ITPR1: variants seen among roughly 807,000 people sequenced by gnomAD.
The protein encoded by ITPR1 is inositol 1,4,5-trisphosphate receptor type 1.
In ITPR1, 96 loss-of-function variants were observed where a neutral mutation model predicts 318.4. The ratio of observed to expected loss-of-function variants is 0.30; its 90% confidence interval spans 0.26 to 0.36. The LOEUF is 0.36. Ranked by LOEUF, ITPR1 falls within the 10% of genes least tolerant of loss-of-function variation. The probability of loss-of-function intolerance (pLI) is 1.00; values close to 1 mark genes in which losing one functional copy is unlikely to be tolerated. For synonymous variants in ITPR1, 1,312 were observed against 1,289.9 expected, an observed-to-expected ratio of 1.02 and a Z score of -0.37; for missense variants, 2,440 against 3,460.2, an observed-to-expected ratio of 0.71 and a Z score of 7.40.
chr3:4,639,142 G>A (rs1410098319), intron 5 of ITPR1, among the ~76,000 whole-genome samples: 1 of 151,958 alleles, frequency 6.6e-6, no homozygotes, highest in East Asian at 1.9e-4. Flanking sequence ...AAATACCCAT[G>A]AATTCCTTAA....
In ITPR1 at chr3:4,642,033, A is replaced by G. The variant is rs1439455214; in HGVS notation, c.367-60A>G. ...CTACATAGTTGGTATGATTGAGAGA[A>G]GGAATGGTAGAAAATTCAGATTTGC... is the stretch of plus-strand genomic sequence containing the variant. On this transcript the variant is annotated intron_variant, in intron 6 of 61. Transcript: ENST00000649015. 5 of 1,366,656 alleles carry G rather than the reference A, an allele frequency of 3.7e-6. No homozygotes were observed. In the African/African-American group the frequency reaches 7.4e-5, roughly 20 times the overall value. The allele number at this position is 1,366,656 out of a possible 1,614,324, so 84.7% of individuals were successfully genotyped here.
At position 4,581,922 on chromosome 3, in the gene ITPR1, T is replaced by G. The variant is rs1232948090; in HGVS notation, c.164-45841T>G. Reference sequence around the variant, plus strand: ...AAATAGTCTGTTTGGGTCTTGAAGATTTTGTGAGTTTTATTTTTTTTTAGG... The same window carrying G: ...AAATAGTCTGTTTGGGTCTTGAAGAGTTTGTGAGTTTTATTTTTTTTTAGG... On this transcript the variant is annotated intron_variant, in intron 4 of 61. Transcript: ENST00000649015. Among the ~76,000 whole-genome samples, 11 of 151,722 alleles carry G rather than the reference T, an allele frequency of 7.3e-5. No homozygotes were observed. The East Asian group carries it at 2.1e-3, about 30-fold the overall frequency.
intron 35 of ITPR1, among the ~76,000 whole-genome samples, chr3:4,701,428 C>G (rs370269253): frequency 1.3e-5 from 2 of 152,314 alleles, no homozygotes; most frequent in East Asian, 3.9e-4. Flanking sequence ...TAACAAGCAG[C>G]CACAAAACTC....
intron 52 of ITPR1, among the ~76,000 whole-genome samples, chr3:4,789,541 T>C (rs7637819): frequency 0.52 from 79,487 of 152,044 alleles, 21,369 homozygotes; most frequent in East Asian, 0.89. Context: ...ATCTGTTGCT[T>C]TTGTCCTTCA....
At chr3:4,569,959 T>C (rs2087808914) in intron 4 of ITPR1, among the ~76,000 whole-genome samples, 1 of 152,172 alleles carries the variant, frequency 6.6e-6, no homozygotes, top group Non-Finnish European at 1.5e-5. Flanking sequence ...TTTTAAATTG[T>C]TGGTTGGTGG....
chr3:4,508,476 T>TTA (rs1553604497), intron 2 of ITPR1, among the ~76,000 whole-genome samples: 1 of 149,554 alleles, frequency 6.7e-6, no homozygotes, highest in Admixed American at 6.7e-5. Context: ...TTTTTTTTTT[T>TTA]AAATGAATGT....
At chr3:4,809,770 C>T (rs777466347) in intron 55 of ITPR1, among the ~76,000 whole-genome samples, 1 of 152,194 alleles carries the variant, frequency 6.6e-6, no homozygotes, top group Non-Finnish European at 1.5e-5. Flanking sequence ...CCTGTGTAAT[C>T]TCTGCGGTCC....
chr3:4,632,642 A>G (rs2093048626), intron 5 of ITPR1, among the ~76,000 whole-genome samples: 1 of 152,202 alleles, frequency 6.6e-6, no homozygotes, highest in African/African-American at 2.4e-5. Flanking sequence ...ACACCAAAAG[A>G]AATGGCTCAG....
intron 60 of ITPR1, among the ~76,000 whole-genome samples, chr3:4,830,154 T>G (rs975366501): frequency 6.6e-5 from 10 of 151,798 alleles, no homozygotes; most frequent in African/African-American, 2.4e-4. Context: ...TTTTGTATTT[T>G]TAGTAGAGAC....
intron 4 of ITPR1, among the ~76,000 whole-genome samples, chr3:4,622,077 C>T (rs1407941280): frequency 1.3e-5 from 2 of 150,574 alleles, no homozygotes; most frequent in African/African-American, 4.9e-5. Context: ...GCTGTATTTT[C>T]AGCATCCAGT....
rs78970416 is a variant in ITPR1, at chr3:4,805,613, C to G, written c.7108-490C>G. On this transcript the variant is annotated intron_variant, in intron 54 of 61. Coordinates refer to ENST00000649015, the MANE Select transcript of ITPR1 (RefSeq NM_001378452.1). The stretch of plus-strand genomic sequence containing the variant: ...TTCCCCCAAGAAAATTGTTGTTTTC[C>G]CTGTGAACTTAGGAGCATTGAAAGG... 2.0e-3 allele frequency among the ~76,000 whole-genome samples: 297 copies of G among 152,186 alleles called. 1 individual carries two copies. Among genetic ancestry groups the G allele is most frequent in the African/African-American group, 6.8e-3 (281 of 41,514 alleles).
At chr3:4,805,460 G>T (rs1052831836) in intron 54 of ITPR1, among the ~76,000 whole-genome samples, 2 of 152,184 alleles carry the variant, frequency 1.3e-5, no homozygotes, top group African/African-American at 4.8e-5. Flanking sequence ...TGATGGCCAG[G>T]TTGGAGCCCC....
chr3:4,700,398 G>A (rs1413150224), intron 35 of ITPR1, among the ~76,000 whole-genome samples: 1 of 152,204 alleles, frequency 6.6e-6, no homozygotes, highest in Non-Finnish European at 1.5e-5. Context: ...CATTGTGACT[G>A]GCACTGAGTT....
At chr3:4,764,415 A>G (rs1293970565) in intron 44 of ITPR1, among the ~76,000 whole-genome samples, 2 of 152,110 alleles carry the variant, frequency 1.3e-5, no homozygotes, top group Admixed American at 6.5e-5. Context: ...AGTGCCTTCT[A>G]TTTGCTGGGC....
In ITPR1 at chr3:4,811,787, C is replaced by G. The variant is rs367738292; in HGVS notation, c.7468+327C>G. Among the ~76,000 whole-genome samples, 10 of 152,230 alleles carry G rather than the reference C, an allele frequency of 6.6e-5. No homozygotes were observed. The East Asian group carries it at 1.5e-3, about 24-fold the overall frequency. ...TCCCTTTAACTGAGTAAATCTACTT[C>G]TAGGATCAATACTTAAAGAAAAAAA... On this transcript the variant is annotated intron_variant, in intron 56 of 61. Transcript: ENST00000649015.
intron 2 of ITPR1, among the ~76,000 whole-genome samples, chr3:4,507,451 G>A (rs998522416): frequency 1.3e-5 from 2 of 152,152 alleles, no homozygotes; most frequent in Non-Finnish European, 2.9e-5. Context: ...TCTGGGTATT[G>A]TATGAGATCT....
intron 52 of ITPR1, among the ~76,000 whole-genome samples, chr3:4,793,379 A>G (rs2047693953): frequency 6.6e-6 from 1 of 152,160 alleles, no homozygotes; most frequent in Admixed American, 6.5e-5. Flanking sequence ...ACTTTGTTTT[A>G]TGAGCTTTTT....
intron 44 of ITPR1, among the ~76,000 whole-genome samples, chr3:4,741,198 C>G (rs1424922904): frequency 6.6e-6 from 1 of 152,088 alleles, no homozygotes; most frequent in Admixed American, 6.5e-5. Flanking sequence ...TTTGGACATA[C>G]CTCGTTTTTT....
rs185708235 is a variant in ITPR1, at chr3:4,630,799, G to A, written c.279+2921G>A. On this transcript the variant is annotated intron_variant, in intron 5 of 61. Transcript: ENST00000649015. ...GGCAGCATTTCACCATGTTGGCCAG[G>A]CTGGTCTCGAACTCCTGACCTCAAG... Among the ~76,000 whole-genome samples, 25 of 152,056 alleles carry A rather than the reference G, an allele frequency of 1.6e-4. No homozygotes were observed. The East Asian group carries it at 4.6e-3, about 28-fold the overall frequency.
Sources: allele counts gnomAD v4.1 joint callset (sites outside exome capture counted in the v4.1 genomes callset), GRCh38; gene constraint gnomAD v4.1.1; transcripts MANE v1.5; gene names NCBI Gene and HGNC (gene_info 2026-07-23, HGNC 2026-07-21).